C8orf58: variants seen among roughly 807,000 people sequenced by gnomAD.
The protein encoded by C8orf58 is chromosome 8 open reading frame 58, also known as uncharacterized protein C8orf58.
In C8orf58, 31 loss-of-function variants were observed where a neutral mutation model predicts 36.8. That is an observed-to-expected ratio of 0.84 (90% CI 0.63 to 1.14). The LOEUF (loss-of-function observed/expected upper bound fraction) is 1.14, where lower values mean the gene tolerates loss of function less well. Ranked by LOEUF, C8orf58 falls within the 50% of genes most tolerant of loss-of-function variation. The pLI is 0.00. For synonymous variants in C8orf58, 230 were observed against 200.2 expected (o/e 1.15, Z -1.26); for missense variants, 538 against 480.8 (o/e 1.12, Z -1.11).
At chr8:22,602,821 C>T (rs1450974235) in intron 6 of C8orf58, 178 bp downstream of exon 6, 7 of 589,402 alleles carry the variant, frequency 1.2e-5, no homozygotes, top group African/African-American at 1.9e-5. Context: ...AGGCAGGGTT[C>T]TGGGTGGGGT....
chr8:22,603,235 C>T lies in C8orf58; in HGVS notation c.1027C>T (p.Pro343Ser). ...RDLPERPQCR[P>S]HRKTFMPSLV... Reference sequence around the variant, plus strand: ...CCTCCCTGAAAGGCCTCAGTGCCGCCCCCACCGGAAGACCTTTATGCCATC... The same window carrying T: ...CCTCCCTGAAAGGCCTCAGTGCCGCTCCCACCGGAAGACCTTTATGCCATC... The change falls in exon 7 of 7, where the codon CCC (proline) becomes TCC (serine). Residue 343 changes from proline to serine, a missense_variant. Pro to Ser is a moderately conservative substitution (Grantham distance 74). Transcript: ENST00000289989. The T allele has an allele frequency of 1.9e-6, 3 of 1,613,992 alleles. No homozygotes were observed. The highest frequency in any genetic ancestry group is 2.5e-6 in the Non-Finnish European group (3 of 1,179,998).
chr8:22,602,998 A>G, intron 6 of C8orf58, 197 bp from the exon 7 acceptor site: 1 of 603,528 alleles, frequency 1.7e-6, no homozygotes. Flanking sequence ...AGGATTTCAC[A>G]GTGGGTGAAG....
At position 22,602,562 on chromosome 8, in the gene C8orf58, TCAAGG is replaced by T; in HGVS notation, c.906_910del (p.Lys303ProfsTer14). ...CGGGATATCTCCCACTGGGACAAGG[TCAAGG>T]TCCTGCTCAACCGGATCTGCCGGAG... On this transcript the variant is annotated frameshift_variant, in exon 6 of 7. Transcript: ENST00000289989. LOFTEE classifies it high-confidence loss of function. 1.2e-6 allele frequency: 2 copies of T among 1,602,476 alleles called. No homozygotes were observed. Among genetic ancestry groups the T allele is most frequent in the South Asian group, 2.2e-5 (2 of 89,874 alleles).
At position 22,603,256 on chromosome 8, in the gene C8orf58, CCAT is replaced by C. The variant is rs776859153; in HGVS notation, c.1052_1054del (p.Ser351del). The C allele has an allele frequency of 1.7e-5, 27 of 1,613,912 alleles. No homozygotes were observed. Among genetic ancestry groups the C allele is most frequent in the Non-Finnish European group, 8.5e-7 (1 of 1,180,012 alleles). ...CCGCCCCCACCGGAAGACCTTTATG[CCAT>C]CATTAGTGGTTAAGAAGCAACGAGC... On this transcript the variant is annotated inframe_deletion, in exon 7 of 7. Transcript: ENST00000289989.
chr8:22,602,466 C>T, intron 5 of C8orf58, 71 bp from the exon 6 acceptor site: 1 of 1,405,080 alleles, frequency 7.1e-7, no homozygotes, highest in Non-Finnish European at 1.0e-6. Context: ...GTGGCGACAG[C>T]TGTCTCTGGG....
intron 2 of C8orf58, 24 bp downstream of exon 2, chr8:22,601,381 G>C: frequency 6.6e-7 from 1 of 1,508,012 alleles, no homozygotes. Flanking sequence ...CTCAGGCTGG[G>C]TTTAAGAGTG....
chr8:22,603,012 A>G (rs1800915266), intron 6 of C8orf58, 183 bp from the exon 7 acceptor site: 2 of 607,926 alleles, frequency 3.3e-6, no homozygotes, highest in Admixed American at 5.8e-5. Context: ...GGTGAAGGCC[A>G]TCATGCTTCG....
chr8:22,602,413 G>T, intron 5 of C8orf58, 101 bp downstream of exon 5: 1 of 1,309,180 alleles, frequency 7.6e-7, no homozygotes, highest in South Asian at 1.3e-5. Context: ...CTGGGGAAAT[G>T]ACAGGATTGA....
At position 22,603,016 on chromosome 8, in the gene C8orf58, T is replaced by C. The variant is rs1008626893; in HGVS notation, c.987-179T>C. On this transcript the variant is annotated intron_variant, in intron 6 of 6. Transcript: ENST00000289989. ...ATTTCACAGTGGGTGAAGGCCATCA[T>C]GCTTCGGGGCTTGTATTGAATCGTT... 1.1e-5 allele frequency: 7 copies of C among 608,816 alleles called. No individual in the cohort carries two copies. In the South Asian group the frequency reaches 1.4e-4, roughly 12 times the overall value. The allele number at this position is 608,816 out of a possible 1,614,324, so 37.7% of individuals were successfully genotyped here.
rs1483787904 is a variant in C8orf58, at chr8:22,603,226, C to T, written c.1018C>T (p.Gln340Ter). 5.6e-6 allele frequency: 9 copies of T among 1,613,942 alleles called. No homozygotes were observed. Among genetic ancestry groups the T allele is most frequent in the Non-Finnish European group, 7.6e-6 (9 of 1,179,964 alleles). The part of the protein sequence containing the change: ...IESRDLPERP[Q>*]CRPHRKTFMP... ...GTCCAGGGACCTCCCTGAAAGGCCT[C>T]AGTGCCGCCCCCACCGGAAGACCTT... Residue 340 changes from glutamine (Q) to a stop codon, truncating the protein, a stop_gained, in exon 7 of 7, where the codon CAG becomes TAG. Coordinates refer to ENST00000289989, the MANE Select transcript of C8orf58 (RefSeq NM_001013842.3). LOFTEE classifies it high-confidence loss of function.
Position 22,602,266 on chromosome 8 carries a change from C to T in C8orf58, c.833C>T (p.Thr278Ile), listed in dbSNP as rs1407330460. The T allele has an allele frequency of 3.7e-6, 6 of 1,609,030 alleles. No individual in the cohort carries two copies. Among genetic ancestry groups the T allele is most frequent in the Non-Finnish European group, 5.1e-6 (6 of 1,178,596 alleles). The change falls in exon 5 of 7, where the codon ACC becomes ATC. Residue 278 changes from threonine to isoleucine, a missense_variant. By Grantham distance (89) the Thr-to-Ile change is moderately conservative. Coordinates refer to ENST00000289989, the MANE Select transcript of C8orf58 (RefSeq NM_001013842.3). The stretch of plus-strand genomic sequence containing the variant: ...GCCAACCCTCCCAGGCTGCCAGAAA[C>T]CCCAGTGGAGCCAACGTACCACTTG... ...PSANPPRLPETPVEPTYHLPS... is the reference protein window; with the variant it reads ...PSANPPRLPEIPVEPTYHLPS...
chr8:22,601,096 C>T lies in C8orf58; in HGVS notation c.255C>T (p.Gly85=). 6.2e-7 allele frequency: 1 copy of T among 1,612,580 alleles called. No individual in the cohort carries two copies. The highest frequency in any genetic ancestry group is 1.3e-5 in the African/African-American group (1 of 75,044). The stretch of plus-strand genomic sequence containing the variant: ...ACAGCCCCCTGGCCGCCTTACCGGG[C>T]CTTTCTCAGGACTCCCTGGACTTTG... The part of the protein sequence containing the change: ...VGDSPLAALP[G]LSQDSLDFES... Residue 85 remains glycine, a synonymous_variant, in exon 2 of 7, where the codon GGC becomes GGT. Coordinates refer to ENST00000289989, the MANE Select transcript of C8orf58 (RefSeq NM_001013842.3).
At chr8:22,600,752 C>A (rs1459654260) in intron 1 of C8orf58, 130 bp from the exon 2 acceptor site, 3 of 728,242 alleles carry the variant, frequency 4.1e-6, no homozygotes, top group Non-Finnish European at 4.5e-6. Flanking sequence ...CCGGGCTGCC[C>A]GTGGCTGTCC....
At position 22,603,599 on chromosome 8, in the gene C8orf58, C is replaced by T; in HGVS notation, c.*293C>T. 2.1e-6 allele frequency: 1 copy of T among 481,410 alleles called. No homozygotes were observed. The highest frequency in any genetic ancestry group is 2.0e-5 in the South Asian group (1 of 48,894). The allele number at this position is 481,410 out of a possible 1,614,324, so 29.8% of individuals were successfully genotyped here. On this transcript the variant is annotated 3_prime_UTR_variant, in exon 7 of 7. Transcript: ENST00000289989. ...TCAGGTGTCCGTGGAGTGTTTTTGG[C>T]ATGGTGACCTGTCTGGGCCCAGCAT...
chr8:22,599,701 GC>G lies in C8orf58; in HGVS notation c.-18del. ...TCCTCGGGCGGCTGCATTGGCCGGG[GC>G]CGGGGCCGGGAGCGGGCCATGATGG... On this transcript the variant is annotated 5_prime_UTR_variant, in exon 1 of 7. Transcript: ENST00000289989. 8.3e-7 allele frequency: 1 copy of G among 1,208,296 alleles called. No individual in the cohort carries two copies. Among genetic ancestry groups the G allele is most frequent in the East Asian group, 3.3e-5 (1 of 30,034 alleles). The allele number at this position is 1,208,296 out of a possible 1,614,324, so 74.8% of individuals were successfully genotyped here. A position where few individuals can be genotyped will look rare whatever the true frequency, so the allele number is the denominator to read the frequency against.
Position 22,599,666 on chromosome 8 carries a change from C to A in C8orf58, c.-55C>A. ...GAGCTGCCCGAGCTCCGCGGGGACT[C>A]GGGCCGGGATCCTCGGGCGGCTGCA... On this transcript the variant is annotated 5_prime_UTR_variant, in exon 1 of 7. Transcript: ENST00000289989. 1 of 1,050,066 alleles carries A rather than the reference C, an allele frequency of 9.5e-7. No individual in the cohort carries two copies. The highest frequency in any genetic ancestry group is 1.2e-6 in the Non-Finnish European group (1 of 830,758). 65.0% of individuals were successfully genotyped at this position (1,050,066 alleles called of 1,614,324 possible). A position where few individuals can be genotyped will look rare whatever the true frequency, so the allele number is the denominator to read the frequency against.
chr8:22,602,955 C>A (rs1800913301), intron 6 of C8orf58: 2 of 591,970 alleles, frequency 3.4e-6, no homozygotes, highest in African/African-American at 3.7e-5. Flanking sequence ...AGGCCACCTT[C>A]CAGGTTCGTG....
At chr8:22,602,116 C>G (rs756943962) in intron 4 of C8orf58, 36 bp downstream of exon 4, 1 of 1,549,836 alleles carries the variant, frequency 6.5e-7, no homozygotes, top group Non-Finnish European at 8.7e-7. Context: ...GTCCTGCCTG[C>G]CTGGGGTCCC....
intron 2 of C8orf58, 35 bp from the exon 3 acceptor site, chr8:22,601,677 G>A: frequency 1.3e-6 from 2 of 1,572,814 alleles, no homozygotes; most frequent in Non-Finnish European, 1.7e-6. Flanking sequence ...GAGCCCTACT[G>A]GCTGAAATCT....
Sources: allele counts gnomAD v4.1 joint callset, GRCh38; gene constraint gnomAD v4.1.1; transcripts MANE v1.5; gene names NCBI Gene and HGNC (gene_info 2026-07-23, HGNC 2026-07-21).